ARHGAP33: variants seen among roughly 807,000 people sequenced by gnomAD.
The protein encoded by ARHGAP33 is rho GTPase-activating protein 33.
In ARHGAP33, 57 loss-of-function variants were observed where a neutral mutation model predicts 126.2. The ratio of observed to expected loss-of-function variants is 0.45; its 90% CI spans 0.36 to 0.56. The LOEUF is 0.56. ARHGAP33 is among the 20% of genes least tolerant of loss of function. ARHGAP33 has a pLI of 0.00. For synonymous variants in ARHGAP33, 711 were observed against 755.0 expected, an observed-to-expected ratio of 0.94 and a Z score of 0.95; for missense variants, 1,500 against 1,748.3, an observed-to-expected ratio of 0.86 and a Z score of 2.53.
intron 5 of ARHGAP33, 57 bp from the exon 6 acceptor site, chr19:35,778,975 G>A: frequency 7.2e-7 from 1 of 1,383,114 alleles, no homozygotes. Flanking sequence ...AGTGTGGGAG[G>A]GCAGTGGGCT....
chr19:35,783,485 A>T (rs1294453107), intron 15 of ARHGAP33, among the ~76,000 whole-genome samples: 1 of 152,176 alleles, frequency 6.6e-6, no homozygotes, highest in Non-Finnish European at 1.5e-5. Flanking sequence ...CCTGCAGAGG[A>T]TGAGGGAGGG....
At chr19:35,779,161 G>A in intron 6 of ARHGAP33, 37 bp downstream of exon 6, 1 of 1,511,990 alleles carries the variant, frequency 6.6e-7, no homozygotes, top group East Asian at 2.5e-5. Context: ...TTCCGAGTGG[G>A]TGAGGGGGTG....
chr19:35,780,178 A>G, intron 6 of ARHGAP33, 33 bp from the exon 7 acceptor site: 1 of 1,610,406 alleles, frequency 6.2e-7, no homozygotes, highest in Non-Finnish European at 8.5e-7. Flanking sequence ...CCGTCTTCTG[A>G]CCTGTCCTTG....
intron 12 of ARHGAP33, among the ~76,000 whole-genome samples, chr19:35,781,734 A>G (rs1304848969): frequency 6.6e-6 from 1 of 152,070 alleles, no homozygotes; most frequent in African/African-American, 2.4e-5. Flanking sequence ...GGCAAAGGGA[A>G]CAGCAACAGG....
rs1326755315 is a variant in ARHGAP33 at position 35,786,941 on chromosome 19, C to T, written c.2471C>T (p.Pro824Leu). Residue 824 changes from proline (P) to leucine (L), a missense_variant, in exon 20 of 21, where the codon CCA becomes CTA. Coordinates refer to ENST00000007510, the MANE Select transcript of ARHGAP33 (RefSeq NM_001366178.1). The surrounding 1 kb of genome is among the most constrained non-coding windows in gnomAD (Gnocchi z 7.0). ...GCACCTGCCTCAGCCACCCCAACAC[C>T]AGCTCTCAGCCCCGGCCGGAGCCTG... The part of the protein sequence containing the change: ...GGAPASATPT[P>L]ALSPGRSLRP... The T allele has an allele frequency of 6.2e-7, 1 of 1,611,024 alleles. No individual in the cohort carries two copies. The highest frequency in any genetic ancestry group is 8.5e-7 in the Non-Finnish European group (1 of 1,179,570).
intron 19 of ARHGAP33, chr19:35,785,768 C>T: frequency 3.2e-6 from 4 of 1,267,756 alleles, no homozygotes; most frequent in Non-Finnish European, 3.0e-6. Context: ...ATGAACCCAG[C>T]AGCCAGAACT....
At position 35,780,646 on chromosome 19, in the gene ARHGAP33, C is replaced by A; in HGVS notation, c.767C>A (p.Ala256Glu). The change falls in exon 9 of 21, where the codon GCG becomes GAG. Residue 256 changes from alanine to glutamate, a missense_variant and splice_region_variant. Ala to Glu is a moderately radical substitution (Grantham distance 107). This residue lies in a region of ARHGAP33 where 281 missense variants were observed against 413.7 expected (regional missense o/e 0.68). Coordinates refer to ENST00000007510, the MANE Select transcript of ARHGAP33 (RefSeq NM_001366178.1). The stretch of plus-strand genomic sequence containing the variant: ...GAGCGGCCAGGTCCGGGCCTGAAGG[C>A]GGGTAAGTGCCATGGATGGATGGGA... Reference protein sequence around the residue: ...FTERPGPGLKADADGPPCGIP... With the variant: ...FTERPGPGLKEDADGPPCGIP... 2 of 1,236,942 alleles carry A rather than the reference C, an allele frequency of 1.6e-6. No individual in the cohort carries two copies. Among genetic ancestry groups the A allele is most frequent in the Non-Finnish European group, 2.1e-6 (2 of 936,972 alleles). The allele number at this position is 1,236,942 out of a possible 1,614,324, so 76.6% of individuals were successfully genotyped here. A position where few individuals can be genotyped will look rare whatever the true frequency, so the allele number is the denominator to read the frequency against.
At chr19:35,783,310 G>A (rs1971903036) in intron 15 of ARHGAP33, among the ~76,000 whole-genome samples, 1 of 152,220 alleles carries the variant, frequency 6.6e-6, no homozygotes, top group Non-Finnish European at 1.5e-5. Flanking sequence ...TCTTCTGGGG[G>A]CACAGATACA....
At chr19:35,777,502 C>T (rs972173056) in intron 1 of ARHGAP33, 143 bp from the exon 2 acceptor site, 25 of 685,586 alleles carry the variant, frequency 3.6e-5, no homozygotes, top group East Asian at 8.1e-5. Flanking sequence ...CCAGCCCTCA[C>T]CTCCCCCGAC....
At chr19:35,777,784 G>A (rs1971535497) in intron 2 of ARHGAP33, 40 bp from the exon 3 acceptor site, 1 of 1,613,718 alleles carries the variant, frequency 6.2e-7, no homozygotes, top group African/African-American at 1.3e-5. Flanking sequence ...GAGCTGGGGA[G>A]ACTCAAGGAG....
rs528984139 is a variant in ARHGAP33 at position 35,786,658 on chromosome 19, C to G, written c.2188C>G (p.Arg730Gly). 1.3e-6 allele frequency: 2 copies of G among 1,535,804 alleles called. No individual in the cohort carries two copies. The highest frequency in any genetic ancestry group is 1.7e-6 in the Non-Finnish European group (2 of 1,146,780). ...TGATGAGCTGGACTTCAGCCCACCC[C>G]GCTGCCTGGAGGGACTCCGGGGGCT... is the stretch of plus-strand genomic sequence containing the variant. ...DGDELDFSPP[R>G]CLEGLRGLDF... The change falls in exon 20 of 21, where the codon CGC becomes GGC. Residue 730 changes from arginine (R) to glycine (G), a missense_variant. This residue lies in a region of ARHGAP33 where 300 missense variants were observed against 291.1 expected (regional missense o/e 1.03). Coordinates refer to ENST00000007510, the MANE Select transcript of ARHGAP33 (RefSeq NM_001366178.1). The surrounding 1 kb of genome is among the most constrained non-coding windows in gnomAD (Gnocchi z 7.0).
intron 16 of ARHGAP33, 82 bp from the exon 17 acceptor site, chr19:35,784,871 G>A: frequency 7.0e-7 from 1 of 1,434,348 alleles, no homozygotes; most frequent in South Asian, 1.5e-5. Context: ...GCGGGGCCGG[G>A]GCTTGGGCTG....
In ARHGAP33 at chr19:35,775,604, G is replaced by A. The variant is rs2146668150; in HGVS notation, c.-55G>A. ...TCGCCATGGCGGCGGCAGCGGCGACGAGAACGGCGAGCGAGGGGTCGAGCG... is the reference window on the plus strand; with the variant it reads ...TCGCCATGGCGGCGGCAGCGGCGACAAGAACGGCGAGCGAGGGGTCGAGCG... On this transcript the variant is annotated 5_prime_UTR_variant, in exon 1 of 21. Transcript: ENST00000007510. The A allele has an allele frequency of 6.0e-6, 9 of 1,488,950 alleles. No homozygotes were observed. Among genetic ancestry groups the A allele is most frequent in the South Asian group, 2.6e-5 (2 of 77,652 alleles). 92.2% of individuals were successfully genotyped at this position (1,488,950 alleles called of 1,614,324 possible).
chr19:35,785,160 C>A, intron 17 of ARHGAP33, 29 bp from the exon 18 acceptor site: 1 of 1,577,640 alleles, frequency 6.3e-7, no homozygotes, highest in Non-Finnish European at 8.6e-7. Context: ...GTTCCTCAGA[C>A]GGCCTCCTGT....
chr19:35,784,636 C>CCACA, intron 16 of ARHGAP33: 2 of 1,274,070 alleles, frequency 1.6e-6, no homozygotes, highest in Non-Finnish European at 2.0e-6. Context: ...CGGCCCCACC[C>CCACA]AGACTCCCCG....
Position 35,780,213 on chromosome 19 carries a change from G to A in ARHGAP33, c.504G>A (p.Leu168=), listed in dbSNP as rs1312796591. The stretch of plus-strand genomic sequence containing the variant: ...GCCACATTCCACCTCTATTTCAGCT[G>A]GACAATCACGGCCGGCGACTGCTCC... The part of the protein sequence containing the change: ...NCGPVLTWME[L]DNHGRRLLLS... The change falls in exon 7 of 21, where the codon CTG becomes CTA. Residue 168 remains leucine, a splice_region_variant and synonymous_variant. Transcript: ENST00000007510. 1 of 1,613,742 alleles carries A rather than the reference G, an allele frequency of 6.2e-7. No individual in the cohort carries two copies. Among genetic ancestry groups the A allele is most frequent in the Non-Finnish European group, 8.5e-7 (1 of 1,179,902 alleles).
At position 35,787,090 on chromosome 19, in the gene ARHGAP33, C is replaced by T. The variant is rs1972154067; in HGVS notation, c.2602+18C>T. On this transcript the variant is annotated intron_variant, in intron 20 of 20. Coordinates refer to ENST00000007510, the MANE Select transcript of ARHGAP33 (RefSeq NM_001366178.1). ...CCCACTCGGTGAGTCCTCAGCCTAC[C>T]CCACCCCTGTCCCCGCCAGCTGTCA... 1.3e-6 allele frequency: 2 copies of T among 1,599,084 alleles called. No individual in the cohort carries two copies. The highest frequency in any genetic ancestry group is 1.7e-6 in the Non-Finnish European group (2 of 1,172,326).
rs1972152203 is a variant in ARHGAP33 at position 35,787,069 on chromosome 19, C to T, written c.2599C>T (p.Leu867Phe). The change falls in exon 20 of 21, where the codon CTC becomes TTC. Residue 867 changes from leucine to phenylalanine, a missense_variant. Around this residue, in one of 6 missense-constraint regions of ARHGAP33, gnomAD observed 642 missense variants for 634.0 expected, o/e 1.01. Transcript: ENST00000007510. ...CSKLRGAQGP[L>F]GPDMESPLPP... ...CAAGCTCCGGGGAGCCCAGGGCCCA[C>T]TCGGTGAGTCCTCAGCCTACCCCAC... is the stretch of plus-strand genomic sequence containing the variant. 6.2e-7 allele frequency: 1 copy of T among 1,602,174 alleles called. No individual in the cohort carries two copies. The highest frequency in any genetic ancestry group is 1.3e-5 in the African/African-American group (1 of 74,754).
chr19:35,780,730 C>G (rs745973289), intron 9 of ARHGAP33, 27 bp from the exon 10 acceptor site: 25 of 1,613,570 alleles, frequency 1.5e-5, no homozygotes, highest in Non-Finnish European at 2.1e-5. Context: ...CCCACTCATC[C>G]CTTCCACCCC....
Sources: gnomAD v4.1 joint callset for allele counts (sites outside exome capture counted in the v4.1 genomes callset) on GRCh38, gnomAD v4.1.1 for gene constraint, gnomAD v4.1.1 regional missense constraint, Gnocchi (gnomAD v3.1) non-coding constraint, MANE v1.5 for transcripts, NCBI Gene and HGNC (gene_info 2026-07-23, HGNC 2026-07-21) for gene names.